ARHGAP24: variants seen among roughly 807,000 people sequenced by gnomAD.
ARHGAP24 encodes the protein Rho GTPase activating protein 24, also known as rho GTPase-activating protein 24.
A neutral mutation model predicts 76.4 loss-of-function variants in ARHGAP24; 50 were observed. The observed-to-expected ratio is 0.65, with a 90% confidence interval of 0.52 to 0.83. The LOEUF is 0.83. Ranked by LOEUF, ARHGAP24 falls within the 40% of genes least tolerant of loss-of-function variation. The pLI is 0.00. For synonymous variants in ARHGAP24, 345 were observed against 323.3 expected (o/e 1.07, Z -0.72); for missense variants, 930 against 914.2 (o/e 1.02, Z -0.22).
chr4:85,670,408 C>T (rs1722781030), intron 2 of ARHGAP24, among the ~76,000 whole-genome samples: 1 of 152,096 alleles, frequency 6.6e-6, no homozygotes, highest in Non-Finnish European at 1.5e-5. Context: ...TCTTGAATCA[C>T]CAATACTGCA....
intron 3 of ARHGAP24, among the ~76,000 whole-genome samples, chr4:85,797,166 TTTTTTTGTTTTTG>T (rs1388659674): frequency 1.1e-5 from 1 of 90,220 alleles, no homozygotes; most frequent in Non-Finnish European, 3.3e-5. Flanking sequence ...TTTTTGTTTT[TTTTTTTGTTTTTG>T]TTTTTGTTTT....
At chr4:85,558,837 A>G (rs1165681774) in intron 1 of ARHGAP24, among the ~76,000 whole-genome samples, 1 of 152,232 alleles carries the variant, frequency 6.6e-6, no homozygotes, top group Non-Finnish European at 1.5e-5. Context: ...ACAAATGACT[A>G]TCTCCATCAA....
intron 3 of ARHGAP24, among the ~76,000 whole-genome samples, chr4:85,877,362 C>G (rs1346466905): frequency 6.6e-6 from 1 of 152,122 alleles, no homozygotes; most frequent in South Asian, 2.1e-4. Context: ...CAGCAGCTCA[C>G]TCCTGTAATC....
intron 3 of ARHGAP24, among the ~76,000 whole-genome samples, chr4:85,897,378 T>C (rs1035362047): frequency 8.5e-5 from 13 of 152,226 alleles, no homozygotes; most frequent in Admixed American, 1.3e-4. Context: ...TATATGAATG[T>C]ACTGAATTTC....
At chr4:85,624,443 A>G (rs1222720238) in intron 2 of ARHGAP24, among the ~76,000 whole-genome samples, 1 of 152,180 alleles carries the variant, frequency 6.6e-6, no homozygotes, top group Admixed American at 6.5e-5. Context: ...AGCCCACTTG[A>G]TTATGGTGGA....
At chr4:85,560,542 A>G (rs1043776200) in intron 1 of ARHGAP24, among the ~76,000 whole-genome samples, 3 of 152,188 alleles carry the variant, frequency 2.0e-5, no homozygotes, top group Admixed American at 6.5e-5. Flanking sequence ...GATGTTTTGA[A>G]CAATTTAATC....
chr4:85,513,708 G>T (rs1205557498), intron 1 of ARHGAP24, among the ~76,000 whole-genome samples: 1 of 152,192 alleles, frequency 6.6e-6, no homozygotes, highest in Non-Finnish European at 1.5e-5. Flanking sequence ...AGGATTGGCA[G>T]GTAGCTTAAT....
At chr4:85,682,988 A>G (rs1723264269) in intron 2 of ARHGAP24, among the ~76,000 whole-genome samples, 1 of 152,000 alleles carries the variant, frequency 6.6e-6, no homozygotes, top group Non-Finnish European at 1.5e-5. Flanking sequence ...GTACATTACA[A>G]TAAATGAGGG....
intron 5 of ARHGAP24, among the ~76,000 whole-genome samples, chr4:85,969,470 T>C (rs977792526): frequency 6.6e-6 from 1 of 151,986 alleles, no homozygotes; most frequent in Non-Finnish European, 1.5e-5. Context: ...TATATACTTA[T>C]TTATTTTATA....
intron 8 of ARHGAP24, among the ~76,000 whole-genome samples, chr4:85,984,786 T>C (rs934252988): frequency 2.0e-5 from 3 of 152,130 alleles, no homozygotes; most frequent in South Asian, 2.1e-4. Flanking sequence ...CATGTTGACA[T>C]TGGATTTTTT....
At chr4:85,839,638 AC>A (rs1245543714) in intron 3 of ARHGAP24, among the ~76,000 whole-genome samples, 1 of 150,746 alleles carries the variant, frequency 6.6e-6, no homozygotes, top group East Asian at 2.0e-4. Context: ...TTTAGTAGAG[AC>A]CGCATTTCAC....
chr4:86,000,440 T>C, intron 9 of ARHGAP24, 39 bp from the exon 10 acceptor site: 1 of 861,206 alleles, frequency 1.2e-6, no homozygotes, highest in Non-Finnish European at 1.8e-6. Flanking sequence ...CTCTTACTCT[T>C]GCGTCCCCAC....
chr4:85,567,640 G>A (rs1726899770), intron 1 of ARHGAP24, among the ~76,000 whole-genome samples: 1 of 152,026 alleles, frequency 6.6e-6, no homozygotes, highest in East Asian at 1.9e-4. Flanking sequence ...GCCAGACATC[G>A]TACTGAGTAG....
intron 2 of ARHGAP24, among the ~76,000 whole-genome samples, chr4:85,661,339 C>A (rs1722378149): frequency 6.6e-6 from 1 of 152,138 alleles, no homozygotes; most frequent in African/African-American, 2.4e-5. Context: ...TCTGGTTTAT[C>A]TTTTTCTCTG....
chr4:85,928,708 C>T (rs370387675), intron 4 of ARHGAP24, among the ~76,000 whole-genome samples: 13 of 152,130 alleles, frequency 8.5e-5, no homozygotes, highest in African/African-American at 2.9e-4. Flanking sequence ...GTGATCCACC[C>T]GCCTCAGCCT....
chr4:85,733,217 C>T lies in ARHGAP24; in HGVS notation c.268+11245C>T, dbSNP rs555927784. 7.0e-4 allele frequency among the ~76,000 whole-genome samples: 106 copies of T among 151,618 alleles called. 3 individuals carry two copies. The highest frequency in any genetic ancestry group is 2.1e-4 in the Non-Finnish European group (14 of 67,932). ...TAGCTGGGACTACAGGCGCCCACCACCACACTTGGCTAATTTTTTGTATTT... is the reference window on the plus strand; with the variant it reads ...TAGCTGGGACTACAGGCGCCCACCATCACACTTGGCTAATTTTTTGTATTT... On this transcript the variant is annotated intron_variant, in intron 3 of 9. Coordinates refer to ENST00000395184, the MANE Select transcript of ARHGAP24 (RefSeq NM_001025616.3).
At chr4:85,612,121 C>CACACAG (rs1050041217) in intron 2 of ARHGAP24, among the ~76,000 whole-genome samples, 1 of 142,216 alleles carries the variant, frequency 7.0e-6, no homozygotes, top group South Asian at 2.2e-4. Flanking sequence ...CACACACACA[C>CACACAG]AGACCAGTGT....
intron 1 of ARHGAP24, among the ~76,000 whole-genome samples, chr4:85,510,559 T>C (rs1223270278): frequency 1.4e-5 from 2 of 146,762 alleles, no homozygotes; most frequent in Non-Finnish European, 3.0e-5. Context: ...TTCCTTTTTA[T>C]CTCTTTCCTT....
intron 1 of ARHGAP24, among the ~76,000 whole-genome samples, chr4:85,494,573 C>T (rs573503361): frequency 3.3e-5 from 5 of 150,890 alleles, no homozygotes; most frequent in East Asian, 2.0e-4. Flanking sequence ...CTCAGCTACC[C>T]GGGAGGCTGA....
Sources: gnomAD v4.1 joint callset for allele counts (sites outside exome capture counted in the v4.1 genomes callset) on GRCh38, gnomAD v4.1.1 for gene constraint, MANE v1.5 for transcripts, NCBI Gene and HGNC (gene_info 2026-07-23, HGNC 2026-07-21) for gene names.